The following GALNT9 variants were observed in gnomAD, a reference collection of about 807,000 sequenced individuals.
The protein encoded by GALNT9 is polypeptide N-acetylgalactosaminyltransferase 9.
In GALNT9, 47 loss-of-function variants were observed where a neutral mutation model predicts 63.1. The ratio of observed to expected loss-of-function variants is 0.75; its 90% CI spans 0.59 to 0.95. The LOEUF (loss-of-function observed/expected upper bound fraction) is 0.95, where lower values mean the gene tolerates loss of function less well. GALNT9 is among the 40% of genes least tolerant of loss of function. GALNT9 has a pLI of 0.00. For missense variants in GALNT9, 829 were observed against 874.8 expected, an observed-to-expected ratio of 0.95 and a Z score of 0.66; for synonymous variants, 396 against 365.7, an observed-to-expected ratio of 1.08 and a Z score of -0.94.
intron 1 of GALNT9, among the ~76,000 whole-genome samples, chr12:132,305,092 C>A (rs543590150): frequency 1.2e-5 from 1 of 86,232 alleles, no homozygotes; most frequent in South Asian, 3.8e-4. Context: ...CACACCCTCA[C>A]CCGGGCACAG....
intron 1 of GALNT9, among the ~76,000 whole-genome samples, chr12:132,303,229 G>A (rs1377766355): frequency 6.6e-6 from 1 of 151,952 alleles, no homozygotes; most frequent in South Asian, 2.1e-4. Context: ...CAGGCGCCCT[G>A]AGTGGATTCG....
At chr12:132,322,576 G>T (rs1868851934) in intron 1 of GALNT9, among the ~76,000 whole-genome samples, 2 of 152,200 alleles carry the variant, frequency 1.3e-5, no homozygotes, top group African/African-American at 2.4e-5. Context: ...GGGGGCGTCT[G>T]CCCAACCCCA....
intron 1 of GALNT9, among the ~76,000 whole-genome samples, chr12:132,302,968 A>AGG (rs1230212346): frequency 7.9e-5 from 5 of 63,452 alleles, no homozygotes; most frequent in African/African-American, 2.5e-4. Flanking sequence ...TGACCGTCTA[A>AGG]GGGGGGCGAG....
At chr12:132,280,974 G>A (rs907549446) in intron 2 of GALNT9, 6 of 152,360 alleles carry the variant, frequency 3.9e-5, no homozygotes, top group African/African-American at 1.2e-4. Context: ...CAGGGATTAA[G>A]GGAGCGATGC....
intron 1 of GALNT9, among the ~76,000 whole-genome samples, chr12:132,290,206 C>T (rs1880753330): frequency 6.6e-6 from 1 of 152,128 alleles, no homozygotes. Context: ...TCCCTGTTCC[C>T]AGCCTGGACC....
chr12:132,203,473 TGGCCCCGGCTCCC>T lies in GALNT9; in HGVS notation c.1263+19_1263+31del. On this transcript the variant is annotated intron_variant, in intron 7 of 10. Transcript: ENST00000328957. ...TGGCATTGACCCCGACCCTGGGGCA[TGGCCCCGGCTCCC>T]GGCCTGTGGGGGACTCACCGACATG... 1 of 1,608,722 alleles carries T rather than the reference TGGCCCCGGCTCCC, an allele frequency of 6.2e-7. No individual in the cohort carries two copies. Among genetic ancestry groups the T allele is most frequent in the South Asian group, 1.1e-5 (1 of 90,586 alleles).
intron 2 of GALNT9, among the ~76,000 whole-genome samples, chr12:132,269,251 G>A (rs1482715757): frequency 1.3e-5 from 2 of 152,058 alleles, no homozygotes; most frequent in Non-Finnish European, 2.9e-5. Flanking sequence ...GATGCTGGCC[G>A]AGAATTTGCT....
intron 1 of GALNT9, among the ~76,000 whole-genome samples, chr12:132,295,224 A>G (rs549382112): frequency 2.7e-4 from 41 of 152,292 alleles, no homozygotes; most frequent in Non-Finnish European, 5.3e-4. Context: ...TCCCACCCCC[A>G]ATGCCCTGGC....
At chr12:132,262,767 C>T (rs1290580089) in intron 2 of GALNT9, 142 bp from the exon 3 acceptor site, 1 of 1,438,944 alleles carries the variant, frequency 6.9e-7, no homozygotes, top group African/African-American at 1.4e-5. Context: ...AGCCATAGCT[C>T]ATCTGTCTGC....
intron 1 of GALNT9, among the ~76,000 whole-genome samples, chr12:132,312,094 C>A (rs1881835218): frequency 6.6e-6 from 1 of 152,284 alleles, no homozygotes; most frequent in South Asian, 2.1e-4. Context: ...CCTGGGGACC[C>A]AAACTAATAA....
At chr12:132,325,660 G>T (rs782706238) in intron 1 of GALNT9, among the ~76,000 whole-genome samples, 40 of 152,302 alleles carry the variant, frequency 2.6e-4, no homozygotes, top group African/African-American at 9.6e-4. Flanking sequence ...TCTGGGCCCC[G>T]TGGCCCACCC....
In GALNT9 at chr12:132,315,991, G is replaced by C. The variant is rs189936265; in HGVS notation, c.238+12975C>G. Among the ~76,000 whole-genome samples the C allele has an allele frequency of 6.6e-6, 1 of 152,186 alleles. No homozygotes were observed. Among genetic ancestry groups the C allele is most frequent in the Non-Finnish European group, 1.5e-5 (1 of 68,024 alleles). ...CGAGAGTGGAGGGTGGTGGGGACGCGGGGTCCTGGAGAGGGCACGGCAGGC... is the reference window on the plus strand; with the variant it reads ...CGAGAGTGGAGGGTGGTGGGGACGCCGGGTCCTGGAGAGGGCACGGCAGGC... On this transcript the variant is annotated intron_variant, in intron 1 of 10. Coordinates refer to ENST00000328957, the MANE Select transcript of GALNT9 (RefSeq NM_001122636.2). This position sits in a 1 kb window ranked among gnomAD's most constrained non-coding sequence, Gnocchi z 6.1.
chr12:132,290,600 C>G (rs1880775086), intron 1 of GALNT9, among the ~76,000 whole-genome samples: 1 of 147,650 alleles, frequency 6.8e-6, no homozygotes, highest in Non-Finnish European at 1.5e-5. Context: ...TCCACAGCAC[C>G]CACAACCACA....
chr12:132,227,385 C>T (rs1877735291), intron 6 of GALNT9, among the ~76,000 whole-genome samples: 1 of 152,146 alleles, frequency 6.6e-6, no homozygotes, highest in Admixed American at 6.5e-5. Flanking sequence ...ACCCTGCTGG[C>T]CGCAGCTCCC....
intron 8 of GALNT9, chr12:132,200,768 G>A (rs1031117725): frequency 4.5e-5 from 12 of 264,492 alleles, no homozygotes; most frequent in African/African-American, 1.7e-4. Context: ...ACGTGAGAGC[G>A]TAGGTACATT....
intron 6 of GALNT9, among the ~76,000 whole-genome samples, chr12:132,220,678 G>A (rs1007536437): frequency 5.9e-5 from 9 of 152,146 alleles, no homozygotes; most frequent in South Asian, 2.1e-4. Context: ...AGGAGACATC[G>A]GCAACCCTGA....
rs1208888431 is a variant in GALNT9 at position 132,264,075 on chromosome 12, C to T, written c.420-1450G>A. Among the ~76,000 whole-genome samples the T allele has an allele frequency of 2.6e-5, 4 of 152,240 alleles. No individual in the cohort carries two copies. The East Asian group carries it at 7.7e-4, about 29-fold the overall frequency. On this transcript the variant is annotated intron_variant, in intron 2 of 10. Coordinates refer to ENST00000328957, the MANE Select transcript of GALNT9 (RefSeq NM_001122636.2). ...ATCCCTGTCACCTACAGCACTCATT[C>T]TCAATGACCTCTCATTTGATTTAGA...
At chr12:132,301,953 A>C (rs901274668) in intron 1 of GALNT9, among the ~76,000 whole-genome samples, 1 of 152,228 alleles carries the variant, frequency 6.6e-6, no homozygotes, top group Non-Finnish European at 1.5e-5. Flanking sequence ...GGTAACATCC[A>C]TCAGACGCTT....
At chr12:132,219,958 G>A (rs565302902) in intron 6 of GALNT9, among the ~76,000 whole-genome samples, 2 of 152,344 alleles carry the variant, frequency 1.3e-5, no homozygotes, top group East Asian at 3.9e-4. Context: ...AAGGGGAAGG[G>A]GCACCTCCCC....
Sources: allele counts gnomAD v4.1 joint callset (sites outside exome capture counted in the v4.1 genomes callset), GRCh38; gene constraint gnomAD v4.1.1; non-coding constraint Gnocchi (gnomAD v3.1); transcripts MANE v1.5; gene names NCBI Gene and HGNC (gene_info 2026-07-23, HGNC 2026-07-21).